The following ADAMTS17 variants were observed in gnomAD, a reference collection of about 807,000 sequenced individuals.
ADAMTS17 encodes ADAM metallopeptidase with thrombospondin type 1 motif 17.
Under a neutral mutation model 141.5 loss-of-function variants are expected in ADAMTS17, and 113 were observed. That is an observed-to-expected ratio of 0.80 (90% confidence interval 0.69 to 0.93). ADAMTS17 has a LOEUF of 0.93. Among genes scored for constraint, ADAMTS17 ranks in the 40% least tolerant of loss-of-function variants. The probability of loss-of-function intolerance (pLI) is 0.00; values close to 1 mark genes in which losing one functional copy is unlikely to be tolerated. For synonymous variants in ADAMTS17, 768 were observed against 630.6 expected (o/e 1.22, Z -3.27); for missense variants, 1,659 against 1,517.9 (o/e 1.09, Z -1.54).
rs1555454310 is a variant in ADAMTS17 at position 100,116,148 on chromosome 15, A to AAAAAAC, written c.1888+698_1888+699insGTTTTT. On this transcript the variant is annotated intron_variant, in intron 13 of 21. Transcript: ENST00000268070. ...AGTTTTAGGTAAAAAAAAAAAAAAA[A>AAAAAAC]AAAAAAAAAACCCAACAACCCTGAA... Among the ~76,000 whole-genome samples the AAAAAAC allele has an allele frequency of 1.5e-4, 21 of 142,424 alleles. 1 individual carries two copies. The highest frequency in any genetic ancestry group is 5.8e-4 in the African/African-American group (20 of 34,306). 93.4% of individuals were successfully genotyped at this position (142,424 alleles called of 152,430 possible).
At chr15:100,183,412 C>T (rs928901797) in intron 8 of ADAMTS17, among the ~76,000 whole-genome samples, 2 of 152,106 alleles carry the variant, frequency 1.3e-5, no homozygotes, top group East Asian at 1.9e-4. Context: ...GATTTTATTC[C>T]GTCATCTCCA....
chr15:100,219,773 T>C (rs2092546532), intron 7 of ADAMTS17, among the ~76,000 whole-genome samples: 1 of 152,208 alleles, frequency 6.6e-6, no homozygotes. Flanking sequence ...GACCTGGGAA[T>C]GCTAGAAACC....
intron 4 of ADAMTS17, among the ~76,000 whole-genome samples, chr15:100,276,895 G>C (rs1243212900): frequency 1.3e-5 from 2 of 152,200 alleles, no homozygotes; most frequent in Admixed American, 1.3e-4. Context: ...GAGGGATTGA[G>C]AAAGGGGGGT....
intron 2 of ADAMTS17, among the ~76,000 whole-genome samples, chr15:100,338,499 C>T (rs1239109858): frequency 2.6e-5 from 4 of 152,190 alleles, no homozygotes; most frequent in East Asian, 3.9e-4. Flanking sequence ...CACATCCATT[C>T]GCTCGTATGC....
intron 7 of ADAMTS17, among the ~76,000 whole-genome samples, chr15:100,246,796 T>A (rs1250878199): frequency 6.6e-6 from 1 of 152,228 alleles, no homozygotes; most frequent in Non-Finnish European, 1.5e-5. Context: ...GCTAGTGATA[T>A]TATTTTTTCA....
intron 14 of ADAMTS17, among the ~76,000 whole-genome samples, chr15:100,097,166 T>C (rs1027848020): frequency 1.3e-5 from 2 of 152,214 alleles, no homozygotes; most frequent in African/African-American, 4.8e-5. Flanking sequence ...GACTCTTTTT[T>C]TCTTTTTTAA....
intron 13 of ADAMTS17, 79 bp downstream of exon 13, chr15:100,116,768 C>G: frequency 1.3e-6 from 2 of 1,597,936 alleles, no homozygotes; most frequent in South Asian, 2.2e-5. Context: ...AGGGATGCCC[C>G]CCGGCTTCCC....
At chr15:100,278,447 C>T (rs2044173398) in intron 4 of ADAMTS17, among the ~76,000 whole-genome samples, 1 of 152,142 alleles carries the variant, frequency 6.6e-6, no homozygotes. Flanking sequence ...CCTCACATGC[C>T]CACTGAGGCC....
intron 7 of ADAMTS17, among the ~76,000 whole-genome samples, chr15:100,252,997 G>T (rs902464496): frequency 6.6e-6 from 1 of 152,090 alleles, no homozygotes; most frequent in Non-Finnish European, 1.5e-5. Context: ...CAGAACAAAG[G>T]CTTAGGGCTA....
intron 3 of ADAMTS17, among the ~76,000 whole-genome samples, chr15:100,298,296 C>G (rs2044896035): frequency 1.3e-5 from 2 of 152,148 alleles, no homozygotes; most frequent in African/African-American, 4.8e-5. Context: ...CTGTCCCCTT[C>G]CAGCCACATT....
chr15:100,191,899 A>AGG (rs34937073), intron 8 of ADAMTS17, among the ~76,000 whole-genome samples: 36,800 of 151,988 alleles, frequency 0.24, 4,774 homozygotes, highest in African/African-American at 0.33. Flanking sequence ...AGGCACCAGG[A>AGG]GGTTTGTGGC....
chr15:100,061,749 C>T (rs534864102), intron 15 of ADAMTS17, among the ~76,000 whole-genome samples: 3 of 152,338 alleles, frequency 2.0e-5, no homozygotes, highest in South Asian at 4.1e-4. Flanking sequence ...GGGACTTACT[C>T]GCAGGGACAC....
chr15:100,277,779 T>C (rs2044149814), intron 4 of ADAMTS17, among the ~76,000 whole-genome samples: 1 of 152,226 alleles, frequency 6.6e-6, no homozygotes, highest in Admixed American at 6.5e-5. Flanking sequence ...AGCAATTCCA[T>C]TTCCAGGTGT....
intron 18 of ADAMTS17, among the ~76,000 whole-genome samples, chr15:100,019,741 G>A (rs1222213633): frequency 6.6e-6 from 1 of 152,210 alleles, no homozygotes; most frequent in East Asian, 1.9e-4. Context: ...AGCTACGTCT[G>A]CTGTGGAATT....
In ADAMTS17 at chr15:100,261,389, C is replaced by T. The variant is rs1172301652; in HGVS notation, c.1031+90G>A. The T allele has an allele frequency of 3.2e-6, 5 of 1,583,330 alleles. No individual in the cohort carries two copies. The East Asian group carries it at 1.1e-4, about 36-fold the overall frequency. On this transcript the variant is annotated intron_variant, in intron 6 of 21. Transcript: ENST00000268070. ...GGTGGCCCAAGGTCTGATTTCCAAGCCTGAGTTCTTAACAACATGCCTATT... is the reference window on the plus strand; with the variant it reads ...GGTGGCCCAAGGTCTGATTTCCAAGTCTGAGTTCTTAACAACATGCCTATT...
At chr15:100,311,771 G>T (rs914638685) in intron 3 of ADAMTS17, among the ~76,000 whole-genome samples, 3 of 151,922 alleles carry the variant, frequency 2.0e-5, no homozygotes, top group Non-Finnish European at 4.4e-5. Flanking sequence ...AGAGGTGCCT[G>T]CCCTAGCCTC....
chr15:100,164,836 G>C (rs559257448), intron 8 of ADAMTS17, among the ~76,000 whole-genome samples: 3 of 152,330 alleles, frequency 2.0e-5, no homozygotes, highest in African/African-American at 7.2e-5. Context: ...TTAAGTCTTA[G>C]AGGCCCACTG....
At chr15:100,261,341 A>G in intron 6 of ADAMTS17, 138 bp downstream of exon 6, 2 of 1,122,152 alleles carry the variant, frequency 1.8e-6, no homozygotes, top group Non-Finnish European at 2.6e-6. Context: ...CCACTTACTA[A>G]TGAGGAAACC....
In ADAMTS17 at chr15:100,097,932, T is replaced by C. The variant is rs551405609; in HGVS notation, c.2017-1456A>G. Among the ~76,000 whole-genome samples the C allele has an allele frequency of 3.9e-5, 6 of 152,338 alleles. No individual in the cohort carries two copies. The South Asian group carries it at 6.2e-4, about 16-fold the overall frequency. On this transcript the variant is annotated intron_variant, in intron 14 of 21. Coordinates refer to ENST00000268070, the MANE Select transcript of ADAMTS17 (RefSeq NM_139057.4). ...TTACTATTGTTCTGTCCAAAAATGA[T>C]AGCATAACTGGACAGATTCCAGAGA...
Sources: gnomAD v4.1 joint callset for allele counts (sites outside exome capture counted in the v4.1 genomes callset) on GRCh38, gnomAD v4.1.1 for gene constraint, MANE v1.5 for transcripts, NCBI Gene and HGNC (gene_info 2026-07-23, HGNC 2026-07-21) for gene names.